RSPO2: variants seen among roughly 807,000 people sequenced by gnomAD.
RSPO2 encodes R-spondin-2.
RSPO2 carries 14 observed loss-of-function variants against 30.9 expected under a neutral mutation model. The ratio of observed to expected loss-of-function variants is 0.45; its 90% confidence interval spans 0.30 to 0.71. The LOEUF (loss-of-function observed/expected upper bound fraction) is 0.71. RSPO2 is among the 30% of genes least tolerant of loss of function. The probability of loss-of-function intolerance (pLI) is 0.08; values close to 1 mark genes in which losing one functional copy is unlikely to be tolerated. For missense variants in RSPO2, 264 were observed against 301.9 expected, an observed-to-expected ratio of 0.87 and a Z score of 0.93; for synonymous variants, 107 against 96.4, an observed-to-expected ratio of 1.11 and a Z score of -0.64.
intron 2 of RSPO2, among the ~76,000 whole-genome samples, chr8:108,075,081 C>T (rs903623448): frequency 1.3e-5 from 2 of 152,140 alleles, no homozygotes; most frequent in African/African-American, 4.8e-5. Context: ...AAGGCAAATA[C>T]CACTTTCTTT....
At chr8:107,984,108 C>CA (rs1814544493) in intron 3 of RSPO2, 1 of 463,560 alleles carries the variant, frequency 2.2e-6, no homozygotes, top group South Asian at 4.3e-5. Flanking sequence ...GAGGCATTGC[C>CA]AGGACTTGGG....
intron 4 of RSPO2, 48 bp downstream of exon 4, chr8:107,960,626 T>G: frequency 6.4e-7 from 1 of 1,559,808 alleles, no homozygotes; most frequent in Non-Finnish European, 8.8e-7. Context: ...AAGAAACAAG[T>G]GCTAAAATAA....
chr8:107,969,896 C>T (rs923530142), intron 3 of RSPO2, among the ~76,000 whole-genome samples: 3 of 152,050 alleles, frequency 2.0e-5, no homozygotes, highest in South Asian at 2.1e-4. Flanking sequence ...AGAAGTAGAG[C>T]GGTTTAATCA....
intron 5 of RSPO2, among the ~76,000 whole-genome samples, chr8:107,911,393 G>A (rs1811822541): frequency 6.6e-6 from 1 of 152,136 alleles, no homozygotes; most frequent in Admixed American, 6.5e-5. Context: ...AGAATACAAG[G>A]TTAAGAACAT....
intron 5 of RSPO2, among the ~76,000 whole-genome samples, chr8:107,908,908 T>A (rs1315455728): frequency 6.6e-6 from 1 of 152,188 alleles, no homozygotes; most frequent in East Asian, 1.9e-4. Flanking sequence ...TTGGATTCCT[T>A]ATTTATAAGA....
chr8:107,990,257 A>C (rs1814803393), intron 2 of RSPO2, among the ~76,000 whole-genome samples: 1 of 152,196 alleles, frequency 6.6e-6, no homozygotes, highest in African/African-American at 2.4e-5. Context: ...GTAAGAAAAA[A>C]ACAGAAACGT....
In RSPO2 at chr8:108,060,952, A is replaced by G. The variant is rs1031698231; in HGVS notation, c.94+21593T>C. 6.8e-4 allele frequency among the ~76,000 whole-genome samples: 103 copies of G among 151,904 alleles called. 3 individuals carry two copies. The highest frequency in any genetic ancestry group is 2.4e-3 in the African/African-American group (99 of 41,192). ...CCAAACTAAGCTTCATAAGTGAAGGAGAAATAAAATCCTTTACAGACAAGC... is the reference window on the plus strand; with the variant it reads ...CCAAACTAAGCTTCATAAGTGAAGGGGAAATAAAATCCTTTACAGACAAGC... On this transcript the variant is annotated intron_variant, in intron 2 of 5. Coordinates refer to ENST00000276659, the MANE Select transcript of RSPO2 (RefSeq NM_178565.5).
chr8:108,063,479 A>G lies in RSPO2; in HGVS notation c.94+19066T>C, dbSNP rs1200386246. 2.4e-4 allele frequency among the ~76,000 whole-genome samples: 36 copies of G among 151,788 alleles called. 2 individuals carry two copies. Among genetic ancestry groups the G allele is most frequent in the Non-Finnish European group, 3.5e-4 (24 of 67,998 alleles). The stretch of plus-strand genomic sequence containing the variant: ...CCTAGGAATCCAACTTACAAGGGAC[A>G]TGAAGGACCTCTTCAAGGAGAACTA... On this transcript the variant is annotated intron_variant, in intron 2 of 5. Transcript: ENST00000276659.
At chr8:108,066,763 G>GA (rs879336263) in intron 2 of RSPO2, among the ~76,000 whole-genome samples, 117 of 151,178 alleles carry the variant, frequency 7.7e-4, no homozygotes, top group Admixed American at 1.1e-3. Context: ...GTAAGAATTA[G>GA]AAAAAAAAAT....
intron 5 of RSPO2, among the ~76,000 whole-genome samples, chr8:107,956,828 T>C (rs1813448534): frequency 6.6e-6 from 1 of 152,208 alleles, no homozygotes; most frequent in South Asian, 2.1e-4. Context: ...GGTTAAATGC[T>C]CTCAGCTATC....
chr8:108,048,918 C>T (rs937048299), intron 2 of RSPO2, among the ~76,000 whole-genome samples: 71 of 152,244 alleles, frequency 4.7e-4, no homozygotes, highest in Middle Eastern at 3.4e-3. Flanking sequence ...GCCTTCATTT[C>T]GTTGTTTAGC....
Position 107,987,668 on chromosome 8 carries a change from AACAC to A in RSPO2, c.283+1384_283+1387del, listed in dbSNP as rs1814692878. On this transcript the variant is annotated intron_variant, in intron 3 of 5. Coordinates refer to ENST00000276659, the MANE Select transcript of RSPO2 (RefSeq NM_178565.5). The stretch of plus-strand genomic sequence containing the variant: ...GAACTGCATTGCCAAAATGCCAAAT[AACAC>A]TCCAGGTGAGAGTTCTTGTTCCCCA... Among the ~76,000 whole-genome samples the A allele has an allele frequency of 4.6e-5, 7 of 152,314 alleles. No homozygotes were observed. The South Asian group carries it at 1.4e-3, about 32-fold the overall frequency.
chr8:107,979,731 C>T (rs1352054186), intron 3 of RSPO2, among the ~76,000 whole-genome samples: 12 of 152,050 alleles, frequency 7.9e-5, no homozygotes, highest in Admixed American at 7.9e-4. Context: ...CTCTCTTACC[C>T]TTGTGTCCAA....
chr8:108,042,994 G>A (rs1230615949), intron 2 of RSPO2, among the ~76,000 whole-genome samples: 3 of 151,926 alleles, frequency 2.0e-5, no homozygotes, highest in Non-Finnish European at 4.4e-5. Flanking sequence ...CACTTATAAA[G>A]GACACGGCTA....
intron 2 of RSPO2, among the ~76,000 whole-genome samples, chr8:108,027,312 T>C (rs986851293): frequency 1.3e-5 from 2 of 152,244 alleles, no homozygotes; most frequent in Non-Finnish European, 2.9e-5. Context: ...AGACATTGTC[T>C]AGATGCTTAA....
chr8:107,952,633 T>C (rs1165203576), intron 5 of RSPO2, among the ~76,000 whole-genome samples: 1 of 152,100 alleles, frequency 6.6e-6, no homozygotes, highest in African/African-American at 2.4e-5. Flanking sequence ...TGTAGAGAAA[T>C]AAAGAACATA....
chr8:108,048,714 T>C (rs1253395502), intron 2 of RSPO2, among the ~76,000 whole-genome samples: 1 of 152,098 alleles, frequency 6.6e-6, no homozygotes, highest in East Asian at 1.9e-4. Context: ...CTGCTAGCTT[T>C]TGAATGTGTT....
intron 2 of RSPO2, among the ~76,000 whole-genome samples, chr8:108,003,024 G>A (rs1815300416): frequency 1.3e-5 from 2 of 149,968 alleles, no homozygotes; most frequent in South Asian, 2.1e-4. Context: ...TGAATCTCCA[G>A]ACTTGCACAG....
intron 2 of RSPO2, among the ~76,000 whole-genome samples, chr8:108,014,110 T>C (rs1810795046): frequency 6.6e-6 from 1 of 152,152 alleles, no homozygotes; most frequent in African/African-American, 2.4e-5. Context: ...TCACTGGTCA[T>C]TAGAGAAATG....
Sources: gnomAD v4.1 joint callset for allele counts (sites outside exome capture counted in the v4.1 genomes callset) on GRCh38, gnomAD v4.1.1 for gene constraint, MANE v1.5 for transcripts, NCBI Gene and HGNC (gene_info 2026-07-23, HGNC 2026-07-21) for gene names.